ST8SIA1: variants seen among roughly 807,000 people sequenced by gnomAD.
The protein encoded by ST8SIA1 is ST8 alpha-N-acetyl-neuraminide alpha-2,8-sialyltransferase 1.
ST8SIA1 carries 16 observed loss-of-function variants against 35.9 expected under a neutral mutation model. The ratio of observed to expected loss-of-function variants is 0.45; its 90% confidence interval spans 0.30 to 0.68. The LOEUF (loss-of-function observed/expected upper bound fraction) is 0.68. ST8SIA1 is among the 30% of genes least tolerant of loss of function. The probability of loss-of-function intolerance (pLI) is 0.09; values close to 1 mark genes in which losing one functional copy is unlikely to be tolerated. For missense variants in ST8SIA1, 383 were observed against 453.6 expected, an observed-to-expected ratio of 0.84 and a Z score of 1.41; for synonymous variants, 170 against 169.6, an observed-to-expected ratio of 1.00 and a Z score of -0.02.
In ST8SIA1 at chr12:22,227,630, AT is replaced by A. The variant is rs553774419; in HGVS notation, c.584+21375del. On this transcript the variant is annotated intron_variant, in intron 4 of 4. Transcript: ENST00000396037. ...AATGTTTTGAGGTGTTCTATACCAA[AT>A]TTTTTTTCTATTATTTCTCTTAAAT... Among the ~76,000 whole-genome samples the A allele has an allele frequency of 8.9e-4, 136 of 152,130 alleles. 1 individual carries two copies. In the Middle Eastern group the frequency reaches 0.01, roughly 11 times the overall value.
At chr12:22,274,666 C>T (rs1406921435) in intron 2 of ST8SIA1, among the ~76,000 whole-genome samples, 2 of 152,220 alleles carry the variant, frequency 1.3e-5, no homozygotes, top group African/African-American at 4.8e-5. Context: ...TAGAGGGTGA[C>T]TGTCCACACA....
intron 1 of ST8SIA1, chr12:22,325,790 C>T (rs1251442139): frequency 1.4e-6 from 1 of 693,472 alleles, no homozygotes; most frequent in Non-Finnish European, 2.6e-6. Flanking sequence ...ACAATTATAA[C>T]AATATACCTG....
Position 22,194,757 on chromosome 12 carries a change from A to G in ST8SIA1, c.*6795T>C, listed in dbSNP as rs1864962928. ...AGAACCTCCTGTTCTAACTCTAGCTATGCATAGCCCACTTTCCAAGGGTGA... is the reference window on the plus strand; with the variant it reads ...AGAACCTCCTGTTCTAACTCTAGCTGTGCATAGCCCACTTTCCAAGGGTGA... On this transcript the variant is annotated 3_prime_UTR_variant, in exon 5 of 5. Coordinates refer to ENST00000396037, the MANE Select transcript of ST8SIA1 (RefSeq NM_003034.4). The G allele has an allele frequency of 6.6e-6, 1 of 152,256 alleles. No individual in the cohort carries two copies. The highest frequency in any genetic ancestry group is 6.5e-5 in the Admixed American group (1 of 15,284). The allele number at this position is 152,256 out of a possible 1,614,324, so 9.4% of individuals were successfully genotyped here.
chr12:22,199,333 CAATT>C lies in ST8SIA1; in HGVS notation c.*2215_*2218del, dbSNP rs1258271514. The C allele has an allele frequency of 1.3e-5, 2 of 149,846 alleles. No individual in the cohort carries two copies. Among genetic ancestry groups the C allele is most frequent in the Non-Finnish European group, 3.0e-5 (2 of 67,384 alleles). The allele number at this position is 149,846 out of a possible 1,614,324, so 9.3% of individuals were successfully genotyped here. On this transcript the variant is annotated 3_prime_UTR_variant, in exon 5 of 5. Transcript: ENST00000396037. ...ATGGAGCTCATTAATTACATTTTAA[CAATT>C]AAAGTACTAATCTGAGTAACATTTT...
At chr12:22,294,056 A>C (rs564684915) in intron 1 of ST8SIA1, among the ~76,000 whole-genome samples, 1 of 152,160 alleles carries the variant, frequency 6.6e-6, no homozygotes, top group Admixed American at 6.6e-5. Context: ...TTTAAGGGTC[A>C]CTGCTGGCTG....
rs1865046958 is a variant in ST8SIA1, at chr12:22,201,474, C to G, written c.*78G>C. Reference sequence around the variant, plus strand: ...GGGCCCATGCAAACTCATGAAACAACTTGACCATTCCCTCTTGGAGTCACA... The same window carrying G: ...GGGCCCATGCAAACTCATGAAACAAGTTGACCATTCCCTCTTGGAGTCACA... On this transcript the variant is annotated 3_prime_UTR_variant, in exon 5 of 5. Transcript: ENST00000396037. 1 of 1,507,732 alleles carries G rather than the reference C, an allele frequency of 6.6e-7. No individual in the cohort carries two copies. Among genetic ancestry groups the G allele is most frequent in the Non-Finnish European group, 8.9e-7 (1 of 1,129,646 alleles). The allele number at this position is 1,507,732 out of a possible 1,614,324, so 93.4% of individuals were successfully genotyped here.
Position 22,193,864 on chromosome 12 carries a change from AAAT to A in ST8SIA1, c.*7685_*7687del, listed in dbSNP as rs1284484580. 1 of 152,204 alleles carries A rather than the reference AAAT, an allele frequency of 6.6e-6. No individual in the cohort carries two copies. The highest frequency in any genetic ancestry group is 1.9e-4 in the East Asian group (1 of 5,200). The allele number at this position is 152,204 out of a possible 1,614,324, so 9.4% of individuals were successfully genotyped here. On this transcript the variant is annotated 3_prime_UTR_variant, in exon 5 of 5. Coordinates refer to ENST00000396037, the MANE Select transcript of ST8SIA1 (RefSeq NM_003034.4). Reference sequence around the variant, plus strand: ...TAGTCAGATTATATTATATGAGAAAAAATAATGTTTTAATTTTTCTATTTTCTT... The same window carrying A: ...TAGTCAGATTATATTATATGAGAAAAAATGTTTTAATTTTTCTATTTTCTT...
At chr12:22,231,676 C>A (rs1444381144) in intron 4 of ST8SIA1, among the ~76,000 whole-genome samples, 1 of 151,948 alleles carries the variant, frequency 6.6e-6, no homozygotes, top group African/African-American at 2.4e-5. Flanking sequence ...CGGGTTCACG[C>A]CATTCTCCTG....
intron 1 of ST8SIA1, among the ~76,000 whole-genome samples, chr12:22,311,891 G>A (rs1424248351): frequency 6.6e-6 from 1 of 152,144 alleles, no homozygotes; most frequent in Non-Finnish European, 1.5e-5. Flanking sequence ...GGCTGGCTAG[G>A]AAATTTAGGC....
intron 1 of ST8SIA1, among the ~76,000 whole-genome samples, chr12:22,320,894 G>A (rs1256161476): frequency 2.1e-5 from 3 of 142,482 alleles, no homozygotes; most frequent in Non-Finnish European, 4.6e-5. Flanking sequence ...AAGAAAGAAA[G>A]GAGAAGGAAA....
intron 2 of ST8SIA1, among the ~76,000 whole-genome samples, chr12:22,285,691 G>A (rs1029280312): frequency 5.9e-5 from 9 of 152,026 alleles, no homozygotes; most frequent in African/African-American, 2.2e-4. Flanking sequence ...GGCCAGCACG[G>A]TGAAACATGG....
intron 2 of ST8SIA1, among the ~76,000 whole-genome samples, chr12:22,265,904 CCAT>C (rs1426182736): frequency 6.6e-6 from 1 of 152,026 alleles, no homozygotes. Flanking sequence ...AAAAAAAGTA[CCAT>C]GTTTTCCCTT....
In ST8SIA1 at chr12:22,198,078, AAT is replaced by A. The variant is rs1591821115; in HGVS notation, c.*3472_*3473del. ...ACCTACCTTCATGATCTTTGGAATC[AAT>A]GCAGTTCTCAAATCGAGGCTAATAA... On this transcript the variant is annotated 3_prime_UTR_variant, in exon 5 of 5. Transcript: ENST00000396037. 1 of 152,182 alleles carries A rather than the reference AAT, an allele frequency of 6.6e-6. No homozygotes were observed. Among genetic ancestry groups the A allele is most frequent in the East Asian group, 1.9e-4 (1 of 5,184 alleles). The allele number at this position is 152,182 out of a possible 1,614,324, so 9.4% of individuals were successfully genotyped here. A position where few individuals can be genotyped will look rare whatever the true frequency, so the allele number is the denominator to read the frequency against.
At chr12:22,305,174 C>CAATGT (rs1432204557) in intron 1 of ST8SIA1, among the ~76,000 whole-genome samples, 3 of 152,020 alleles carry the variant, frequency 2.0e-5, no homozygotes, top group African/African-American at 7.3e-5. Context: ...CAATGTTTCA[C>CAATGT]TGCTAAAAAT....
chr12:22,233,126 T>C (rs1591830322), intron 4 of ST8SIA1, among the ~76,000 whole-genome samples: 1 of 152,184 alleles, frequency 6.6e-6, no homozygotes, highest in African/African-American at 2.4e-5. Flanking sequence ...GGCGTATCAC[T>C]GTGAAATTTC....
chr12:22,224,495 G>C (rs918478558), intron 4 of ST8SIA1, among the ~76,000 whole-genome samples: 2 of 151,918 alleles, frequency 1.3e-5, no homozygotes, highest in Middle Eastern at 3.4e-3. Flanking sequence ...TTTTTTAGTA[G>C]AGACAGGGTT....
At chr12:22,214,612 C>T (rs1291841062) in intron 4 of ST8SIA1, among the ~76,000 whole-genome samples, 2 of 152,050 alleles carry the variant, frequency 1.3e-5, no homozygotes, top group Non-Finnish European at 2.9e-5. Context: ...ACCCTCAAAA[C>T]TTATTCAAAA....
intron 1 of ST8SIA1, among the ~76,000 whole-genome samples, chr12:22,296,287 C>G (rs897248723): frequency 6.6e-6 from 1 of 152,164 alleles, no homozygotes; most frequent in Admixed American, 6.5e-5. Flanking sequence ...CCCTCCCTTA[C>G]AGATCCTCAA....
chr12:22,208,995 C>A (rs555680809), intron 4 of ST8SIA1, among the ~76,000 whole-genome samples: 1 of 152,066 alleles, frequency 6.6e-6, no homozygotes, highest in East Asian at 1.9e-4. Flanking sequence ...AATCATATAC[C>A]ATAAAATTAA....
Sources: gnomAD v4.1 joint callset for allele counts (sites outside exome capture counted in the v4.1 genomes callset) on GRCh38, gnomAD v4.1.1 for gene constraint, MANE v1.5 for transcripts, NCBI Gene and HGNC (gene_info 2026-07-23, HGNC 2026-07-21) for gene names.